KCNH7: variants seen among roughly 807,000 people sequenced by gnomAD.
KCNH7 encodes voltage-gated inwardly rectifying potassium channel KCNH7.
In KCNH7, 49 loss-of-function variants were observed where a neutral mutation model predicts 120.8. That is an observed-to-expected ratio of 0.41 (90% CI 0.32 to 0.51). The LOEUF (loss-of-function observed/expected upper bound fraction) is 0.51, where lower values mean the gene tolerates loss of function less well. Among genes scored for constraint, KCNH7 ranks in the 20% least tolerant of loss-of-function variants. KCNH7 has a pLI of 0.38. For synonymous variants in KCNH7, 547 were observed against 516.1 expected (o/e 1.06, Z -0.81); for missense variants, 1,097 against 1,446.6 (o/e 0.76, Z 3.92).
chr2:162,533,936 T>G (rs1479788543), intron 3 of KCNH7, among the ~76,000 whole-genome samples: 1 of 151,534 alleles, frequency 6.6e-6, no homozygotes, highest in Non-Finnish European at 1.5e-5. Flanking sequence ...GGGCAAATTT[T>G]AGACAATTAC....
chr2:162,532,182 A>T (rs1399993956), intron 3 of KCNH7, among the ~76,000 whole-genome samples: 1 of 151,956 alleles, frequency 6.6e-6, no homozygotes, highest in Non-Finnish European at 1.5e-5. Flanking sequence ...GGAATTTGCT[A>T]ATACAAGCAT....
At chr2:162,448,839 G>T (rs1343683868) in intron 6 of KCNH7, among the ~76,000 whole-genome samples, 2 of 152,012 alleles carry the variant, frequency 1.3e-5, no homozygotes, top group Non-Finnish European at 2.9e-5. Context: ...TTTGTAGTCT[G>T]TTTGGAGACA....
At chr2:162,397,540 T>A (rs571395041) in intron 10 of KCNH7, among the ~76,000 whole-genome samples, 1 of 151,996 alleles carries the variant, frequency 6.6e-6, no homozygotes, top group Non-Finnish European at 1.5e-5. Flanking sequence ...TTATATGGCC[T>A]TTGTTAGGGA....
intron 2 of KCNH7, among the ~76,000 whole-genome samples, chr2:162,555,352 T>A (rs1207188579): frequency 6.6e-6 from 1 of 152,198 alleles, no homozygotes; most frequent in Non-Finnish European, 1.5e-5. Flanking sequence ...CAGGCAAGTT[T>A]GTCTAGTTGT....
At chr2:162,817,534 A>G (rs1367126284) in intron 2 of KCNH7, among the ~76,000 whole-genome samples, 1 of 152,164 alleles carries the variant, frequency 6.6e-6, no homozygotes, top group Non-Finnish European at 1.5e-5. Flanking sequence ...AATATTTCAT[A>G]TAAATCATTT....
chr2:162,681,604 T>A (rs974777925), intron 2 of KCNH7, among the ~76,000 whole-genome samples: 4 of 151,708 alleles, frequency 2.6e-5, no homozygotes, highest in Non-Finnish European at 5.9e-5. Flanking sequence ...ACTGTTCGTG[T>A]TGGATGAATT....
chr2:162,412,229 T>C (rs1379960744), intron 9 of KCNH7, among the ~76,000 whole-genome samples: 1 of 152,082 alleles, frequency 6.6e-6, no homozygotes, highest in Non-Finnish European at 1.5e-5. Flanking sequence ...CACTATGCTA[T>C]ATAAAATTAA....
chr2:162,808,232 T>A (rs181437664), intron 2 of KCNH7, among the ~76,000 whole-genome samples: 1 of 152,348 alleles, frequency 6.6e-6, no homozygotes, highest in Non-Finnish European at 1.5e-5. Flanking sequence ...TTTGTATTAA[T>A]TTTTATTGTT....
At chr2:162,781,360 A>G (rs1683480126) in intron 2 of KCNH7, among the ~76,000 whole-genome samples, 1 of 152,118 alleles carries the variant, frequency 6.6e-6, no homozygotes, top group African/African-American at 2.4e-5. Context: ...GTAAGCAATA[A>G]GGCCAGAGAC....
chr2:162,557,758 C>T (rs1031610752), intron 2 of KCNH7, among the ~76,000 whole-genome samples: 5 of 151,986 alleles, frequency 3.3e-5, no homozygotes, highest in East Asian at 3.9e-4. Flanking sequence ...ATAAACAATG[C>T]GGAATACGCT....
intron 2 of KCNH7, chr2:162,785,082 T>C (rs1683648574): frequency 6.6e-6 from 1 of 152,202 alleles, no homozygotes; most frequent in South Asian, 2.1e-4. Flanking sequence ...TCCTTAGACC[T>C]CTGACAACTG....
intron 2 of KCNH7, among the ~76,000 whole-genome samples, chr2:162,630,696 A>G (rs1450442059): frequency 6.6e-6 from 1 of 152,128 alleles, no homozygotes; most frequent in African/African-American, 2.4e-5. Context: ...TTAAACACAG[A>G]TTAGCAATAT....
chr2:162,579,310 C>T (rs79438227), intron 2 of KCNH7, among the ~76,000 whole-genome samples: 2,349 of 152,022 alleles, frequency 0.015, 26 homozygotes, highest in Middle Eastern at 0.027. Flanking sequence ...TAGTCTCTCC[C>T]GGGAAATAGA....
intron 4 of KCNH7, among the ~76,000 whole-genome samples, chr2:162,516,043 A>G (rs577075472): frequency 5.3e-5 from 8 of 151,902 alleles, no homozygotes; most frequent in African/African-American, 1.9e-4. Flanking sequence ...ATTTTGAAAC[A>G]GAACTCGCAA....
In KCNH7 at chr2:162,815,090, G is replaced by A. The variant is rs535616558; in HGVS notation, c.307+21447C>T. Reference sequence around the variant, plus strand: ...TGAACTTTGTCTTTTTACTCCAAGAGTCATATTTTTTTCATAAAATAAGTA... The same window carrying A: ...TGAACTTTGTCTTTTTACTCCAAGAATCATATTTTTTTCATAAAATAAGTA... On this transcript the variant is annotated intron_variant, in intron 2 of 15. Coordinates refer to ENST00000332142, the MANE Select transcript of KCNH7 (RefSeq NM_033272.4). Among the ~76,000 whole-genome samples the A allele has an allele frequency of 3.3e-5, 5 of 152,020 alleles. No individual in the cohort carries two copies. The South Asian group carries it at 1.0e-3, about 32-fold the overall frequency.
intron 9 of KCNH7, among the ~76,000 whole-genome samples, chr2:162,406,558 A>C (rs971377440): frequency 1.3e-5 from 2 of 151,960 alleles, no homozygotes; most frequent in African/African-American, 4.8e-5. Flanking sequence ...ATATACTTAA[A>C]TCTTGACAAA....
At chr2:162,792,672 C>G (rs537441023) in intron 2 of KCNH7, among the ~76,000 whole-genome samples, 120 of 146,316 alleles carry the variant, frequency 8.2e-4, no homozygotes, top group Non-Finnish European at 1.6e-3. Context: ...TTTGAATCTT[C>G]TCTCTTTTCT....
intron 2 of KCNH7, among the ~76,000 whole-genome samples, chr2:162,538,542 AT>A (rs1230885109): frequency 6.6e-6 from 1 of 152,098 alleles, no homozygotes; most frequent in East Asian, 1.9e-4. Context: ...CAGCTGAAGG[AT>A]CTTTTTGGGA....
At chr2:162,712,125 A>C (rs1420859873) in intron 2 of KCNH7, among the ~76,000 whole-genome samples, 1 of 152,200 alleles carries the variant, frequency 6.6e-6, no homozygotes, top group East Asian at 1.9e-4. Context: ...AAATTTTGAA[A>C]TGTAGCATGG....
Sources: gnomAD v4.1 joint callset for allele counts (sites outside exome capture counted in the v4.1 genomes callset) on GRCh38, gnomAD v4.1.1 for gene constraint, MANE v1.5 for transcripts, NCBI Gene and HGNC (gene_info 2026-07-23, HGNC 2026-07-21) for gene names.